TMC6: variants seen among roughly 807,000 people sequenced by gnomAD.
TMC6 encodes transmembrane channel-like protein 6.
In TMC6, 71 loss-of-function variants were observed where a neutral mutation model predicts 95.4. That is an observed-to-expected ratio of 0.74 (90% CI 0.61 to 0.91). The LOEUF is 0.91. Among genes scored for constraint, TMC6 ranks in the 40% least tolerant of loss-of-function variants. TMC6 has a pLI of 0.00. For missense variants in TMC6, 1,074 were observed against 1,079.1 expected, an observed-to-expected ratio of 1.00 and a Z score of 0.07; for synonymous variants, 514 against 483.1, an observed-to-expected ratio of 1.06 and a Z score of -0.84.
upstream of TMC6, chr17:78,132,104 G>A (rs1366433015): frequency 2.0e-6 from 3 of 1,530,114 alleles, no homozygotes; most frequent in East Asian, 2.4e-5. Flanking sequence ...AAAGGAGAGT[G>A]GCATCATCCC....
Position 78,108,686 on chromosome 17 carries a change from G to C in TMC6, c.*4462C>G, listed in dbSNP as rs1240623830. ...GCCCTGTGTAGGGACCCCACGCAAAGACCTCGTGGGCCTGGGTGTCCAGGG... is the reference window on the plus strand; with the variant it reads ...GCCCTGTGTAGGGACCCCACGCAAACACCTCGTGGGCCTGGGTGTCCAGGG... On this transcript the variant is annotated 3_prime_UTR_variant, in exon 20 of 20. Transcript: ENST00000590602. The C allele has an allele frequency of 1.9e-5, 3 of 154,646 alleles. No individual in the cohort carries two copies. Among genetic ancestry groups the C allele is most frequent in the South Asian group, 4.1e-4 (2 of 4,914 alleles). The allele number at this position is 154,646 out of a possible 1,614,324, so 9.6% of individuals were successfully genotyped here.
chr17:78,124,418 G>A lies in TMC6; in HGVS notation c.891+106C>T, dbSNP rs530863291. ...GGCTGTGGCCACCTGGAGTCACAGC[G>A]GGGCAAGGGTTGGGGGCCCCAGGGG... is the stretch of plus-strand genomic sequence containing the variant. On this transcript the variant is annotated intron_variant, in intron 8 of 19. Coordinates refer to ENST00000590602, the MANE Select transcript of TMC6 (RefSeq NM_001127198.5). The A allele has an allele frequency of 7.2e-5, 111 of 1,550,698 alleles. 2 individuals carry two copies. Among genetic ancestry groups the A allele is most frequent in the Middle Eastern group, 4.6e-4 (2 of 4,362 alleles).
upstream of TMC6, chr17:78,131,677 G>C: frequency 1.3e-6 from 2 of 1,573,374 alleles, no homozygotes; most frequent in Non-Finnish European, 8.6e-7. Context: ...GAGCGGCTGC[G>C]CGGCTCTGGG....
rs769832479 is a variant in TMC6, at chr17:78,113,530, C to G, written c.2354+18G>C. 6.5e-5 allele frequency: 105 copies of G among 1,613,480 alleles called. No individual in the cohort carries two copies. The highest frequency in any genetic ancestry group is 8.4e-5 in the Non-Finnish European group (99 of 1,179,672). On this transcript the variant is annotated intron_variant, in intron 19 of 19. Transcript: ENST00000590602. ...CCTCCAGGCTCAGAGTGTCCCCAAT[C>G]CCTCCACGGACCCTCACCTGCTCCT...
intron 18 of TMC6, among the ~76,000 whole-genome samples, chr17:78,114,451 C>G (rs546345627): frequency 1.9e-4 from 29 of 152,254 alleles, no homozygotes; most frequent in East Asian, 7.7e-4. Context: ...TCCATCCAGT[C>G]TTAGGACGGG....
upstream of TMC6, chr17:78,132,398 T>A (rs1441114022): frequency 6.2e-7 from 1 of 1,613,048 alleles, no homozygotes; most frequent in Non-Finnish European, 8.5e-7. Context: ...TTCACCTTCC[T>A]CCGCTTCCTG....
intron 6 of TMC6, 52 bp from the exon 7 acceptor site, chr17:78,125,037 C>G: frequency 6.5e-7 from 1 of 1,546,410 alleles, no homozygotes; most frequent in Non-Finnish European, 8.7e-7. Context: ...GCCTGACTCT[C>G]TCCTTCCTGG....
chr17:78,132,394 T>G, upstream of TMC6: 1 of 1,612,856 alleles, frequency 6.2e-7, no homozygotes, highest in Non-Finnish European at 8.5e-7. Flanking sequence ...CTACTTCACC[T>G]TCCTCCGCTT....
At position 78,122,266 on chromosome 17, in the gene TMC6, C is replaced by T. The variant is rs2074452070; in HGVS notation, c.1227+339G>A. On this transcript the variant is annotated intron_variant, in intron 10 of 19. Coordinates refer to ENST00000590602, the MANE Select transcript of TMC6 (RefSeq NM_001127198.5). This position sits in a 1 kb window ranked among gnomAD's most constrained non-coding sequence, Gnocchi z 4.9. ...GGTGACAGTCCTCACCCACTGGCCT[C>T]CTATGGCCACCAACCAAGCTAACGC... 6.6e-6 allele frequency among the ~76,000 whole-genome samples: 1 copy of T among 152,170 alleles called. No individual in the cohort carries two copies. Among genetic ancestry groups the T allele is most frequent in the African/African-American group, 2.4e-5 (1 of 41,438 alleles).
Position 78,109,456 on chromosome 17 carries a change from G to T in TMC6, c.*3692C>A, listed in dbSNP as rs1404957050. 4.4e-6 allele frequency: 2 copies of T among 456,550 alleles called. No homozygotes were observed. The highest frequency in any genetic ancestry group is 8.8e-6 in the Non-Finnish European group (2 of 226,966). 28.3% of individuals were successfully genotyped at this position (456,550 alleles called of 1,614,324 possible). ...CTGATGGGCTCCTGGTGCAGGACTG[G>T]CCCCTGAACAGCACAAGTGTAGTAT... On this transcript the variant is annotated 3_prime_UTR_variant, in exon 20 of 20. Coordinates refer to ENST00000590602, the MANE Select transcript of TMC6 (RefSeq NM_001127198.5).
At chr17:78,130,977 C>A, upstream of TMC6, 1 of 172,960 alleles carries the variant, frequency 5.8e-6, no homozygotes, top group Admixed American at 5.7e-5. Context: ...AGCCACAGGT[C>A]CTCATCAGGG....
In TMC6 at chr17:78,124,027, G is replaced by T; in HGVS notation, c.1044C>A (p.Gly348=). Residue 348 remains glycine, a synonymous_variant, in exon 9 of 20, where the codon GGC becomes GGA. Coordinates refer to ENST00000590602, the MANE Select transcript of TMC6 (RefSeq NM_001127198.5). ...NMPLAYLSTV[G]VSFFITCITL... ...TGATGCAGGTGATAAAGAAGCTCAC[G>T]CCCACAGTGGAGAGGTAGGCCAGGG... 3 of 1,613,746 alleles carry T rather than the reference G, an allele frequency of 1.9e-6. No individual in the cohort carries two copies. Among genetic ancestry groups the T allele is most frequent in the South Asian group, 1.1e-5 (1 of 91,086 alleles).
At chr17:78,114,432 TTC>T in intron 18 of TMC6, among the ~76,000 whole-genome samples, 1 of 152,250 alleles carries the variant, frequency 6.6e-6, no homozygotes, top group Middle Eastern at 3.4e-3. Flanking sequence ...ACGTAACGTA[TTC>T]ACAGGCTCCA....
Position 78,121,763 on chromosome 17 carries a change from AG to A in TMC6, c.1228-53del. 6.5e-7 allele frequency: 1 copy of A among 1,528,052 alleles called. No homozygotes were observed. Among genetic ancestry groups the A allele is most frequent in the South Asian group, 1.2e-5 (1 of 82,414 alleles). The allele number at this position is 1,528,052 out of a possible 1,614,324, so 94.7% of individuals were successfully genotyped here. ...CCCACACCAGAGCACGGGCACACGC[AG>A]ACGTGCAGACACAGCACAACACACA... On this transcript the variant is annotated intron_variant, in intron 10 of 19. Transcript: ENST00000590602. This position sits in a 1 kb window ranked among gnomAD's most constrained non-coding sequence, Gnocchi z 5.6.
Position 78,111,975 on chromosome 17 carries a change from G to A in TMC6, c.*1173C>T, listed in dbSNP as rs1025742408. 4 of 185,456 alleles carry A rather than the reference G, an allele frequency of 2.2e-5. No homozygotes were observed. Among genetic ancestry groups the A allele is most frequent in the African/African-American group, 4.6e-5 (1 of 21,916 alleles). The allele number at this position is 185,456 out of a possible 1,614,324, so 11.5% of individuals were successfully genotyped here. On this transcript the variant is annotated 3_prime_UTR_variant, in exon 20 of 20. Coordinates refer to ENST00000590602, the MANE Select transcript of TMC6 (RefSeq NM_001127198.5). ...AGGCCTGGAGCACTGGGGTCATGAC[G>A]GGCTGGTTCCCGCAGGCCTGGAGCA...
At position 78,112,083 on chromosome 17, in the gene TMC6, C is replaced by T. The variant is rs1352933355; in HGVS notation, c.*1065G>A. ...CCCGCAGGCCTGGAGCACAGGCTGA[C>T]GGGCTGGTCCCCGCAGGCCTGGAGC... is the stretch of plus-strand genomic sequence containing the variant. On this transcript the variant is annotated 3_prime_UTR_variant, in exon 20 of 20. Coordinates refer to ENST00000590602, the MANE Select transcript of TMC6 (RefSeq NM_001127198.5). The T allele has an allele frequency of 4.2e-5, 9 of 216,362 alleles. No individual in the cohort carries two copies. The highest frequency in any genetic ancestry group is 2.6e-4 in the Admixed American group (4 of 15,314). The allele number at this position is 216,362 out of a possible 1,614,324, so 13.4% of individuals were successfully genotyped here.
chr17:78,115,184 C>T (rs148058056), intron 18 of TMC6, among the ~76,000 whole-genome samples: 99 of 152,308 alleles, frequency 6.5e-4, no homozygotes, highest in Middle Eastern at 3.4e-3. Flanking sequence ...GTGCTTGGGA[C>T]GAGCTGGGAC....
At chr17:78,125,567 C>A (rs780174088) in intron 5 of TMC6, among the ~76,000 whole-genome samples, 159 bp downstream of exon 5, 6 of 152,204 alleles carry the variant, frequency 3.9e-5, no homozygotes, top group Non-Finnish European at 7.3e-5. Context: ...CCCGTGGGTC[C>A]CTGCAGAGGG....
intron 18 of TMC6, 53 bp downstream of exon 18, chr17:78,117,216 C>A: frequency 6.3e-7 from 1 of 1,592,470 alleles, no homozygotes; most frequent in Non-Finnish European, 8.6e-7. Flanking sequence ...GAGCGTCACC[C>A]TCAGGTGACC....
Sources: gnomAD v4.1 joint callset for allele counts (sites outside exome capture counted in the v4.1 genomes callset) on GRCh38, gnomAD v4.1.1 for gene constraint, Gnocchi (gnomAD v3.1) non-coding constraint, MANE v1.5 for transcripts, NCBI Gene and HGNC (gene_info 2026-07-23, HGNC 2026-07-21) for gene names.